The following INPP4B variants were observed in gnomAD, a reference collection of about 807,000 sequenced individuals.
INPP4B encodes inositol polyphosphate 4-phosphatase type II.
Under a neutral mutation model 122.5 loss-of-function variants are expected in INPP4B, and 55 were observed. The observed-to-expected ratio is 0.45, with a 90% CI of 0.36 to 0.56. INPP4B has a LOEUF of 0.56. Ranked by LOEUF, INPP4B falls within the 20% of genes least tolerant of loss-of-function variation. The probability of loss-of-function intolerance (pLI) is 0.00; values close to 1 mark genes in which losing one functional copy is unlikely to be tolerated. For missense variants in INPP4B, 1,000 were observed against 1,097.7 expected (o/e 0.91, Z 1.26); for synonymous variants, 403 against 388.7 (o/e 1.04, Z -0.43).
At chr4:142,029,986 G>C in intron 25 of INPP4B, 1 of 1,377,708 alleles carries the variant, frequency 7.3e-7, no homozygotes, top group Non-Finnish European at 9.4e-7. Flanking sequence ...TTGTTTTTTA[G>C]ATTTTAGGAA....
At chr4:142,571,931 G>A (rs1457032455) in intron 2 of INPP4B, among the ~76,000 whole-genome samples, 3 of 152,148 alleles carry the variant, frequency 2.0e-5, no homozygotes, top group South Asian at 2.1e-4. Flanking sequence ...ATAAATCAGC[G>A]AATAAATGAA....
chr4:142,482,491 A>G (rs188098159), intron 2 of INPP4B, among the ~76,000 whole-genome samples: 46 of 152,300 alleles, frequency 3.0e-4, no homozygotes, highest in African/African-American at 1.0e-3. Context: ...ACATGAAGGG[A>G]AAATAAAACA....
intron 16 of INPP4B, among the ~76,000 whole-genome samples, chr4:142,171,832 C>T (rs186455207): frequency 6.6e-6 from 1 of 151,914 alleles, no homozygotes; most frequent in Non-Finnish European, 1.5e-5. Context: ...CCCATCCTAA[C>T]CTCCTCCCAC....
chr4:142,730,633 C>T (rs1267596775), intron 1 of INPP4B, among the ~76,000 whole-genome samples: 1 of 152,208 alleles, frequency 6.6e-6, no homozygotes, highest in East Asian at 1.9e-4. Flanking sequence ...TTTTATCGTT[C>T]TTCTACCTTG....
intron 18 of INPP4B, among the ~76,000 whole-genome samples, chr4:142,129,298 G>T (rs963576381): frequency 3.3e-5 from 5 of 152,110 alleles, no homozygotes; most frequent in African/African-American, 1.2e-4. Context: ...ATGGTTGGGG[G>T]CTTGTTATTT....
At chr4:142,551,186 A>G (rs1288574983) in intron 2 of INPP4B, among the ~76,000 whole-genome samples, 3 of 152,070 alleles carry the variant, frequency 2.0e-5, no homozygotes, top group Non-Finnish European at 4.4e-5. Context: ...ACAGCATCCA[A>G]TTTCCTTGGA....
At chr4:142,600,188 G>A (rs1739606237) in intron 2 of INPP4B, among the ~76,000 whole-genome samples, 1 of 152,026 alleles carries the variant, frequency 6.6e-6, no homozygotes, top group Non-Finnish European at 1.5e-5. Context: ...CAGACACAAT[G>A]CCACAAATCT....
intron 23 of INPP4B, among the ~76,000 whole-genome samples, chr4:142,096,455 T>C (rs1382195313): frequency 1.3e-5 from 2 of 152,204 alleles, no homozygotes; most frequent in Admixed American, 1.3e-4. Context: ...TATATGTGTG[T>C]CTACCTTTGT....
chr4:142,762,164 T>C (rs1391921480), intron 1 of INPP4B, among the ~76,000 whole-genome samples: 1 of 152,138 alleles, frequency 6.6e-6, no homozygotes, highest in Admixed American at 6.6e-5. Context: ...TCTACATGTC[T>C]GTGTTAAGTG....
chr4:142,768,082 T>C (rs977873190), intron 1 of INPP4B: 12 of 152,196 alleles, frequency 7.9e-5, no homozygotes, highest in African/African-American at 2.7e-4. Flanking sequence ...TTGGCTGTGT[T>C]GTCTACCTCA....
chr4:142,544,618 A>T (rs1211825787), intron 2 of INPP4B, among the ~76,000 whole-genome samples: 1 of 152,194 alleles, frequency 6.6e-6, no homozygotes, highest in Non-Finnish European at 1.5e-5. Context: ...CATGCTTTAT[A>T]TTCCTTCCTA....
At chr4:142,638,910 C>T (rs970546533) in intron 2 of INPP4B, among the ~76,000 whole-genome samples, 3 of 152,008 alleles carry the variant, frequency 2.0e-5, no homozygotes, top group Admixed American at 1.3e-4. Flanking sequence ...TGCCTATAGG[C>T]TTTTTTGTGG....
chr4:142,409,780 T>C (rs1288251435), intron 5 of INPP4B, among the ~76,000 whole-genome samples: 1 of 152,174 alleles, frequency 6.6e-6, no homozygotes, highest in Non-Finnish European at 1.5e-5. Context: ...AAAATACATC[T>C]GTTTGATAGA....
At chr4:142,582,290 C>G (rs1475926969) in intron 2 of INPP4B, among the ~76,000 whole-genome samples, 1 of 151,840 alleles carries the variant, frequency 6.6e-6, no homozygotes, top group Non-Finnish European at 1.5e-5. Context: ...AAGAGTGGAC[C>G]TGGAATTTGT....
chr4:142,666,949 A>T (rs1490095310), intron 2 of INPP4B, among the ~76,000 whole-genome samples: 1 of 152,180 alleles, frequency 6.6e-6, no homozygotes, highest in African/African-American at 2.4e-5. Flanking sequence ...ACAAAAGTAC[A>T]CCCATATTTT....
chr4:142,792,311 A>G (rs1733356014), intron 1 of INPP4B, among the ~76,000 whole-genome samples: 1 of 152,058 alleles, frequency 6.6e-6, no homozygotes. Flanking sequence ...ATACATATAA[A>G]TTTTAGAAAA....
chr4:142,381,802 G>A (rs960809448), intron 7 of INPP4B, among the ~76,000 whole-genome samples: 10 of 151,608 alleles, frequency 6.6e-5, no homozygotes, highest in East Asian at 3.9e-4. Flanking sequence ...TAAATAACCC[G>A]TTCTTTACCT....
rs181427014 is a variant in INPP4B at position 142,446,335 on chromosome 4, A to G, written c.-126-14950T>C. Among the ~76,000 whole-genome samples, 37 of 152,140 alleles carry G rather than the reference A, an allele frequency of 2.4e-4. No individual in the cohort carries two copies. In the East Asian group the frequency reaches 6.7e-3, roughly 28 times the overall value. On this transcript the variant is annotated intron_variant, in intron 3 of 25. Transcript: ENST00000262992. ...AACTTCACTAGTATCAGGGAAATGTAAACTAAAACCAAATTATATATAAAA... is the reference window on the plus strand; with the variant it reads ...AACTTCACTAGTATCAGGGAAATGTGAACTAAAACCAAATTATATATAAAA...
At chr4:142,193,290 G>A (rs1185680819) in intron 14 of INPP4B, 95 bp from the exon 15 acceptor site, 4 of 663,558 alleles carry the variant, frequency 6.0e-6, no homozygotes, top group African/African-American at 5.4e-5. Context: ...GGAAGTATGA[G>A]AAATTATTCT....
Sources: allele counts gnomAD v4.1 joint callset (sites outside exome capture counted in the v4.1 genomes callset), GRCh38; gene constraint gnomAD v4.1.1; transcripts MANE v1.5; gene names NCBI Gene and HGNC (gene_info 2026-07-23, HGNC 2026-07-21).